Variants in ELAPOR2 observed in about 807,000 individuals in gnomAD.
ELAPOR2 encodes endosome/lysosome-associated apoptosis and autophagy regulator family member 2.
ELAPOR2 carries 89 observed loss-of-function variants against 120.7 expected under a neutral mutation model. The observed-to-expected ratio is 0.74, with a 90% CI of 0.62 to 0.88. The LOEUF is 0.88. Among genes scored for constraint, ELAPOR2 ranks in the 40% least tolerant of loss-of-function variants. The pLI is 0.00. For synonymous variants in ELAPOR2, 444 were observed against 444.9 expected, an observed-to-expected ratio of 1.00 and a Z score of 0.03; for missense variants, 1,134 against 1,251.6, an observed-to-expected ratio of 0.91 and a Z score of 1.42.
At chr7:87,050,195 C>T (rs1012509968) in intron 1 of ELAPOR2, among the ~76,000 whole-genome samples, 2 of 152,098 alleles carry the variant, frequency 1.3e-5, no homozygotes, top group Non-Finnish European at 2.9e-5. Flanking sequence ...ACATTAGAGG[C>T]TTCATGGAGG....
Position 86,993,004 on chromosome 7 carries a change from G to A in ELAPOR2, c.190-27980C>T, listed in dbSNP as rs146003898. On this transcript the variant is annotated intron_variant, in intron 1 of 21. Coordinates refer to ENST00000450689, the MANE Select transcript of ELAPOR2 (RefSeq NM_001142749.3). Reference sequence around the variant, plus strand: ...TATAATCCCAACACTTTGGGAGGCCGAGGCGGGTGGATCACGAGGTCAAGA... The same window carrying A: ...TATAATCCCAACACTTTGGGAGGCCAAGGCGGGTGGATCACGAGGTCAAGA... Among the ~76,000 whole-genome samples, 681 of 152,120 alleles carry A rather than the reference G, an allele frequency of 4.5e-3. 5 individuals carry two copies. The highest frequency in any genetic ancestry group is 0.012 in the African/African-American group (478 of 41,506).
At chr7:86,892,369 C>T (rs1246032527) in intron 20 of ELAPOR2, among the ~76,000 whole-genome samples, 2 of 151,984 alleles carry the variant, frequency 1.3e-5, no homozygotes, top group East Asian at 3.9e-4. Context: ...ATAGGAGTTC[C>T]ACAGTCCCAC....
chr7:87,009,045 T>A (rs12704320), intron 1 of ELAPOR2, among the ~76,000 whole-genome samples: 19,748 of 152,170 alleles, frequency 0.13, 1,622 homozygotes, highest in Non-Finnish European at 0.17. Flanking sequence ...CACTGACTGA[T>A]GAATTTAAAA....
chr7:86,941,094 A>T (rs1172354075), intron 5 of ELAPOR2, among the ~76,000 whole-genome samples: 1 of 152,056 alleles, frequency 6.6e-6, no homozygotes, highest in Non-Finnish European at 1.5e-5. Context: ...TACAACCACA[A>T]AGACAAGGAT....
chr7:87,050,655 C>T (rs889291526), intron 1 of ELAPOR2, among the ~76,000 whole-genome samples: 1 of 152,082 alleles, frequency 6.6e-6, no homozygotes, highest in Admixed American at 6.5e-5. Flanking sequence ...ATTAATGAAG[C>T]CTTAGAAGGG....
intron 13 of ELAPOR2, among the ~76,000 whole-genome samples, chr7:86,914,278 C>T (rs1475883664): frequency 6.6e-6 from 1 of 152,050 alleles, no homozygotes; most frequent in East Asian, 1.9e-4. Context: ...ATGGTGGGTA[C>T]ATACACATTC....
chr7:86,938,823 C>G lies in ELAPOR2; in HGVS notation c.985G>C (p.Asp329His). ...GAKECIRCKD[D>H]SQFSEEGSSE... ...CTAGTTCTACCTGAAAATTGAGAGT[C>G]GTCTTTACACCTTATACATTCTTTG... Residue 329 changes from aspartate to histidine, a missense_variant, in exon 7 of 22, where the codon GAC becomes CAC. This residue lies in a region of ELAPOR2 where 831 missense variants were observed against 867.6 expected (regional missense o/e 0.96). Transcript: ENST00000450689. 3 of 1,613,034 alleles carry G rather than the reference C, an allele frequency of 1.9e-6. No individual in the cohort carries two copies. The highest frequency in any genetic ancestry group is 2.5e-6 in the Non-Finnish European group (3 of 1,179,282).
intron 21 of ELAPOR2, among the ~76,000 whole-genome samples, chr7:86,887,767 G>T (rs1163224541): frequency 6.6e-6 from 1 of 152,028 alleles, no homozygotes; most frequent in Non-Finnish European, 1.5e-5. Context: ...ACCTCCTCCT[G>T]ATCCACACAT....
intron 21 of ELAPOR2, among the ~76,000 whole-genome samples, chr7:86,890,877 T>G (rs1237665589): frequency 6.6e-6 from 1 of 152,070 alleles, no homozygotes; most frequent in East Asian, 1.9e-4. Context: ...AAGGAAATGG[T>G]TACTATTACT....
chr7:87,040,036 C>G (rs1030851370), intron 1 of ELAPOR2, among the ~76,000 whole-genome samples: 3 of 152,224 alleles, frequency 2.0e-5, no homozygotes, highest in Admixed American at 6.5e-5. Flanking sequence ...TCGGGTCACT[C>G]CCACTCGAAT....
At chr7:87,026,323 G>A (rs1329988914) in intron 1 of ELAPOR2, among the ~76,000 whole-genome samples, 1 of 151,978 alleles carries the variant, frequency 6.6e-6, no homozygotes. Context: ...TATCTGTGAA[G>A]AAGCCATGGA....
intron 1 of ELAPOR2, among the ~76,000 whole-genome samples, chr7:87,003,234 C>T (rs1793372797): frequency 6.6e-6 from 1 of 152,100 alleles, no homozygotes; most frequent in African/African-American, 2.4e-5. Context: ...GTCAGCTAAA[C>T]CCACACTTTT....
intron 1 of ELAPOR2, among the ~76,000 whole-genome samples, chr7:86,996,710 C>G (rs1286840673): frequency 6.6e-6 from 1 of 152,172 alleles, no homozygotes; most frequent in Non-Finnish European, 1.5e-5. Flanking sequence ...GGGGTTGAAA[C>G]AGTTTTCTAG....
rs576023884 is a variant in ELAPOR2 at position 86,911,129 on chromosome 7, G to C, written c.2169+943C>G. Among the ~76,000 whole-genome samples, 20 of 152,254 alleles carry C rather than the reference G, an allele frequency of 1.3e-4. 1 individual carries two copies. The South Asian group carries it at 4.1e-3, about 32-fold the overall frequency. On this transcript the variant is annotated intron_variant, in intron 15 of 21. Coordinates refer to ENST00000450689, the MANE Select transcript of ELAPOR2 (RefSeq NM_001142749.3). ...GGTAGTGCTAATGTACAATAAGATT[G>C]TGATAGAAGTATGGTAGACAATGGA... is the stretch of plus-strand genomic sequence containing the variant.
rs574201485 is a variant in ELAPOR2, at chr7:86,998,569, G to A, written c.190-33545C>T. ...TTGTAGGAGGGTTGCTCCATACATT[G>A]AGGATGTTTGGCAGCATCCCTGGCC... On this transcript the variant is annotated intron_variant, in intron 1 of 21. Transcript: ENST00000450689. 7.9e-5 allele frequency among the ~76,000 whole-genome samples: 12 copies of A among 152,214 alleles called. No individual in the cohort carries two copies. In the South Asian group the frequency reaches 2.1e-3, roughly 26 times the overall value.
At chr7:87,012,865 G>A (rs1468591009) in intron 1 of ELAPOR2, among the ~76,000 whole-genome samples, 1 of 152,104 alleles carries the variant, frequency 6.6e-6, no homozygotes, top group Non-Finnish European at 1.5e-5. Context: ...ACTGCTGTGT[G>A]ACCAGCAAAG....
At chr7:86,946,452 T>A (rs1239155037) in intron 3 of ELAPOR2, among the ~76,000 whole-genome samples, 1 of 152,196 alleles carries the variant, frequency 6.6e-6, no homozygotes, top group Admixed American at 6.5e-5. Context: ...AATGGTGCGA[T>A]CTCAGCTCAC....
intron 1 of ELAPOR2, among the ~76,000 whole-genome samples, chr7:87,013,618 T>C (rs891806128): frequency 2.0e-5 from 3 of 152,116 alleles, no homozygotes; most frequent in Admixed American, 6.6e-5. Flanking sequence ...GGGACACTGA[T>C]GTAGAGTCAA....
rs186786171 is a variant in ELAPOR2, at chr7:86,939,846, G to A, written c.847+164C>T. Among the ~76,000 whole-genome samples the A allele has an allele frequency of 7.9e-5, 12 of 152,090 alleles. No homozygotes were observed. In the East Asian group the frequency reaches 1.4e-3, roughly 17 times the overall value. ...ACAAGAAAAAAAGAAAACAACTGTC[G>A]ATTTCTTGGGAGTAAAACCAGGGTC... is the stretch of plus-strand genomic sequence containing the variant. On this transcript the variant is annotated intron_variant, in intron 6 of 21. Transcript: ENST00000450689.
Sources: allele counts gnomAD v4.1 joint callset (sites outside exome capture counted in the v4.1 genomes callset), GRCh38; gene constraint gnomAD v4.1.1; regional missense constraint gnomAD v4.1.1; transcripts MANE v1.5; gene names NCBI Gene and HGNC (gene_info 2026-07-23, HGNC 2026-07-21).